The following TTC39C variants were observed in gnomAD, a reference collection of about 807,000 sequenced individuals.
TTC39C encodes the protein tetratricopeptide repeat domain 39C.
In TTC39C, 33 loss-of-function variants were observed where a neutral mutation model predicts 76.3. The observed-to-expected ratio is 0.43, with a 90% confidence interval of 0.33 to 0.58. The LOEUF (loss-of-function observed/expected upper bound fraction) is 0.58. TTC39C is among the 20% of genes least tolerant of loss of function. TTC39C has a pLI of 0.04. For synonymous variants in TTC39C, 254 were observed against 260.6 expected, an observed-to-expected ratio of 0.97 and a Z score of 0.24; for missense variants, 595 against 701.4, an observed-to-expected ratio of 0.85 and a Z score of 1.71.
chr18:24,029,123 G>A (rs1268173023), intron 1 of TTC39C, among the ~76,000 whole-genome samples: 2 of 147,332 alleles, frequency 1.4e-5, no homozygotes, highest in African/African-American at 5.0e-5. Flanking sequence ...TTTTGTGTGA[G>A]ACGGAGTCTT....
intron 10 of TTC39C, 75 bp from the exon 11 acceptor site, chr18:24,128,811 C>G (rs1441018932): frequency 4.3e-6 from 5 of 1,176,316 alleles, no homozygotes; most frequent in Non-Finnish European, 6.0e-6. Context: ...AAACATTTAC[C>G]TCACTCTTCA....
intron 6 of TTC39C, among the ~76,000 whole-genome samples, chr18:24,103,225 T>A (rs757025662): frequency 1.3e-5 from 2 of 152,252 alleles, no homozygotes; most frequent in Non-Finnish European, 2.9e-5. Context: ...TACAAAAGTA[T>A]GTCAAGGTAC....
At chr18:24,015,282 G>T (rs1210164039) in intron 1 of TTC39C, 2 of 386,928 alleles carry the variant, frequency 5.2e-6, no homozygotes, top group Non-Finnish European at 9.2e-6. Context: ...CCCGCCCCGC[G>T]CGCCCGCAGT....
chr18:24,044,570 T>G (rs978567191), intron 1 of TTC39C, among the ~76,000 whole-genome samples: 12 of 151,704 alleles, frequency 7.9e-5, no homozygotes, highest in African/African-American at 2.9e-4. Flanking sequence ...GAGGTTGGTG[T>G]GACAGGAACA....
In TTC39C at chr18:24,083,515, G is replaced by A. The variant is rs540344444; in HGVS notation, c.984+434G>A. ...GGCAACATGAGCTTTGAAATACTAG[G>A]AGCTTTTATCACATTTTCATGTGCT... On this transcript the variant is annotated intron_variant, in intron 6 of 13. Coordinates refer to ENST00000317571, the MANE Select transcript of TTC39C (RefSeq NM_001135993.2). Among the ~76,000 whole-genome samples the A allele has an allele frequency of 9.5e-4, 144 of 152,240 alleles. 1 individual carries two copies. Among genetic ancestry groups the A allele is most frequent in the African/African-American group, 2.6e-3 (107 of 41,534 alleles).
At chr18:24,084,470 G>A (rs2084417003) in intron 6 of TTC39C, among the ~76,000 whole-genome samples, 1 of 151,918 alleles carries the variant, frequency 6.6e-6, no homozygotes, top group African/African-American at 2.4e-5. Flanking sequence ...GGGTGACAGA[G>A]TGAGACTCCA....
At position 24,133,281 on chromosome 18, in the gene TTC39C, G is replaced by A. The variant is rs1181828909; in HGVS notation, c.*707G>A. 1 of 152,188 alleles carries A rather than the reference G, an allele frequency of 6.6e-6. No individual in the cohort carries two copies. Among genetic ancestry groups the A allele is most frequent in the Non-Finnish European group, 1.5e-5 (1 of 68,026 alleles). 9.4% of individuals were successfully genotyped at this position (152,188 alleles called of 1,614,324 possible). A position where few individuals can be genotyped will look rare whatever the true frequency, so the allele number is the denominator to read the frequency against. ...GAACAAAATCTTCAGCTGAAGTTAT[G>A]TCACCAGAAATAGTCATCTCCAGAT... is the stretch of plus-strand genomic sequence containing the variant. On this transcript the variant is annotated 3_prime_UTR_variant, in exon 14 of 14. Coordinates refer to ENST00000317571, the MANE Select transcript of TTC39C (RefSeq NM_001135993.2).
chr18:24,128,811 C>A, intron 10 of TTC39C, 75 bp from the exon 11 acceptor site: 1 of 1,176,430 alleles, frequency 8.5e-7, no homozygotes, highest in Admixed American at 2.2e-5. Context: ...AAACATTTAC[C>A]TCACTCTTCA....
At chr18:24,098,386 C>G (rs2084617895) in intron 6 of TTC39C, among the ~76,000 whole-genome samples, 1 of 107,938 alleles carries the variant, frequency 9.3e-6, no homozygotes. Context: ...TTTTCCTTCC[C>G]TCCCTCCCTC....
intron 1 of TTC39C, among the ~76,000 whole-genome samples, chr18:24,045,193 C>T (rs935430451): frequency 5.0e-5 from 7 of 141,312 alleles, no homozygotes; most frequent in East Asian, 2.1e-4. Flanking sequence ...TACCTGAACC[C>T]GGGAGGTGGA....
At chr18:24,113,220 G>A (rs2084839083) in intron 6 of TTC39C, 1 of 235,068 alleles carries the variant, frequency 4.3e-6, no homozygotes, top group African/African-American at 2.3e-5. Flanking sequence ...TTTGGGGCAT[G>A]AACAGTTATT....
chr18:24,134,220 GA>G lies in TTC39C; in HGVS notation c.*1648del, dbSNP rs2145837555. The G allele has an allele frequency of 7.2e-6, 1 of 138,706 alleles. No individual in the cohort carries two copies. Among genetic ancestry groups the G allele is most frequent in the African/African-American group, 2.6e-5 (1 of 37,762 alleles). 8.6% of individuals were successfully genotyped at this position (138,706 alleles called of 1,614,324 possible). ...GTGAATGAGAAGGGAACTTTTTTCT[GA>G]AGAGCAAAATTGGTGCCCAAAAATA... On this transcript the variant is annotated 3_prime_UTR_variant, in exon 14 of 14. Coordinates refer to ENST00000317571, the MANE Select transcript of TTC39C (RefSeq NM_001135993.2).
chr18:24,109,242 A>G (rs1273323433), intron 6 of TTC39C, among the ~76,000 whole-genome samples: 2 of 151,612 alleles, frequency 1.3e-5, no homozygotes, highest in Non-Finnish European at 1.5e-5. Flanking sequence ...TATAGTCCCA[A>G]CTACTCAGGA....
chr18:24,116,448 C>G (rs986209574), intron 7 of TTC39C, among the ~76,000 whole-genome samples: 1 of 152,082 alleles, frequency 6.6e-6, no homozygotes, highest in Non-Finnish European at 1.5e-5. Context: ...CAGGCTGAGG[C>G]GGGCGGGAGA....
At chr18:24,023,947 C>CTATATCTAT (rs1568408676) in intron 1 of TTC39C, among the ~76,000 whole-genome samples, 2 of 64,034 alleles carry the variant, frequency 3.1e-5, no homozygotes, top group Non-Finnish European at 2.6e-5. Context: ...TATATATATG[C>CTATATCTAT]ATGTATATAT....
In TTC39C at chr18:24,125,518, G is replaced by A. The variant is rs375333859; in HGVS notation, c.1388G>A (p.Cys463Tyr). The change falls in exon 10 of 14, where the codon TGT becomes TAT. Residue 463 changes from cysteine (C) to tyrosine (Y), a missense_variant. Cys to Tyr is a radical substitution (Grantham distance 194, BLOSUM62 -2). Coordinates refer to ENST00000317571, the MANE Select transcript of TTC39C (RefSeq NM_001135993.2). Reference sequence around the variant, plus strand: ...TACTTGTGGAAAGCTCTTCCAAACTGTTCCTTCCCCAACCTGCAGAGGATG... The same window carrying A: ...TACTTGTGGAAAGCTCTTCCAAACTATTCCTTCCCCAACCTGCAGAGGATG... ...VLYLWKALPNCSFPNLQRMSQ... is the reference protein window; with the variant it reads ...VLYLWKALPNYSFPNLQRMSQ... The A allele has an allele frequency of 1.9e-6, 3 of 1,614,032 alleles. No homozygotes were observed. Among genetic ancestry groups the A allele is most frequent in the Admixed American group, 1.7e-5 (1 of 60,006 alleles).
At chr18:24,126,119 C>G (rs1040072002) in intron 10 of TTC39C, among the ~76,000 whole-genome samples, 5 of 151,986 alleles carry the variant, frequency 3.3e-5, no homozygotes, top group Non-Finnish European at 7.4e-5. Context: ...CCCAGGATAT[C>G]GAGGCTGCAG....
chr18:24,014,019 A>T (rs2083413652), upstream of TTC39C, among the ~76,000 whole-genome samples: 1 of 152,222 alleles, frequency 6.6e-6, no homozygotes, highest in Non-Finnish European at 1.5e-5. Context: ...CCACTGCGCA[A>T]ATGTTGGTGG....
In TTC39C at chr18:24,066,003, T is replaced by C. The variant is rs757852263; in HGVS notation, c.217-9T>C. On this transcript the variant is annotated splice_polypyrimidine_tract_variant and intron_variant, in intron 2 of 13. Coordinates refer to ENST00000317571, the MANE Select transcript of TTC39C (RefSeq NM_001135993.2). ...TTCATTCATTCATTCATTCTTTCTTTCTTGGAAGAATGCCATGATGACATT... is the reference window on the plus strand; with the variant it reads ...TTCATTCATTCATTCATTCTTTCTTCCTTGGAAGAATGCCATGATGACATT... 8 of 1,559,904 alleles carry C rather than the reference T, an allele frequency of 5.1e-6. No individual in the cohort carries two copies. In the Admixed American group the frequency reaches 1.7e-4, roughly 32 times the overall value.
Sources: gnomAD v4.1 joint callset for allele counts (sites outside exome capture counted in the v4.1 genomes callset) on GRCh38, gnomAD v4.1.1 for gene constraint, MANE v1.5 for transcripts, NCBI Gene and HGNC (gene_info 2026-07-23, HGNC 2026-07-21) for gene names.